Variants in DYSF observed in about 807,000 individuals in gnomAD.
DYSF encodes the protein dystrophy-associated fer-1-like 1.
In DYSF, 212 loss-of-function variants were observed where a neutral mutation model predicts 274.9. That is an observed-to-expected ratio of 0.77 (90% CI 0.69 to 0.86). The LOEUF (loss-of-function observed/expected upper bound fraction) is 0.86. Among genes scored for constraint, DYSF ranks in the 40% least tolerant of loss-of-function variants. The pLI is 0.00. For synonymous variants in DYSF, 1,091 were observed against 1,078.7 expected, an observed-to-expected ratio of 1.01 and a Z score of -0.22; for missense variants, 2,666 against 2,783.2, an observed-to-expected ratio of 0.96 and a Z score of 0.95.
rs151276652 is a variant in DYSF, at chr2:71,664,274, C to G, written c.5010C>G (p.Phe1670Leu). Residue 1670 changes from phenylalanine (F) to leucine (L), a missense_variant, in exon 46 of 56, where the codon TTC (phenylalanine) becomes TTG (leucine). This residue lies in a region of DYSF where 1,460 missense variants were observed against 1,502.1 expected (regional missense o/e 0.97). Coordinates refer to ENST00000410020, the MANE Select transcript of DYSF (RefSeq NM_001130987.2). ...CTLEPVFGKM[F>L]ELTCTLPLEK... is the part of the protein sequence containing the mutation. ...GAATCTGCCCCTCCTGCAGGATGTT[C>G]GAGCTGACCTGCACTCTGCCTCTGG... 6.2e-7 allele frequency: 1 copy of G among 1,614,036 alleles called. No homozygotes were observed. Among genetic ancestry groups the G allele is most frequent in the South Asian group, 1.1e-5 (1 of 91,040 alleles).
chr2:71,515,655 G>A lies in DYSF; in HGVS notation c.792G>A (p.Leu264=). The A allele has an allele frequency of 1.2e-6, 2 of 1,614,006 alleles. No individual in the cohort carries two copies. Among genetic ancestry groups the A allele is most frequent in the Non-Finnish European group, 1.7e-6 (2 of 1,179,956 alleles). Residue 264 remains leucine, a synonymous_variant, in exon 8 of 56, where the codon CTG becomes CTA. Coordinates refer to ENST00000410020, the MANE Select transcript of DYSF (RefSeq NM_001130987.2). The part of the protein sequence containing the change: ...IRVQVIEGRQ[L]PGVNIKPVVK... ...TCCAGGTGATCGAGGGGCGCCAGCT[G>A]CCGGGGGTGAACATCAAGCCTGTGG...
intron 12 of DYSF, among the ~76,000 whole-genome samples, chr2:71,523,691 C>T (rs2087555611): frequency 1.3e-5 from 2 of 151,922 alleles, no homozygotes; most frequent in South Asian, 4.2e-4. Flanking sequence ...GGATTACAAG[C>T]GTGCGCCACC....
intron 20 of DYSF, 45 bp from the exon 21 acceptor site, chr2:71,553,762 C>A: frequency 1.3e-6 from 2 of 1,500,866 alleles, no homozygotes; most frequent in Non-Finnish European, 9.1e-7. Context: ...ATCCCACCCG[C>A]CCTCCACTCC....
At position 71,600,785 on chromosome 2, in the gene DYSF, G is replaced by T; in HGVS notation, c.3840G>T (p.Arg1280Ser). 6.2e-7 allele frequency: 1 copy of T among 1,613,624 alleles called. No homozygotes were observed. ...GGCTGGCCTGGTTCCCACTGACGAG[G>T]GGCAGCCAGCCGTCGGGGGAGCTGC... ...MPRLAWFPLT[R>S]GSQPSGELLA... The change falls in exon 34 of 56, where the codon AGG becomes AGT. Residue 1280 changes from arginine (R) to serine (S), a missense_variant. Physicochemically the swap from Arg to Ser is moderately radical, Grantham distance 110. Transcript: ENST00000410020.
At chr2:71,498,156 C>T (rs1475933808) in intron 3 of DYSF, among the ~76,000 whole-genome samples, 1 of 151,778 alleles carries the variant, frequency 6.6e-6, no homozygotes, top group African/African-American at 2.4e-5. Flanking sequence ...TTCAAGTCCC[C>T]GGAAAGGCCT....
At chr2:71,469,211 G>C (rs551855295) in intron 1 of DYSF, among the ~76,000 whole-genome samples, 1 of 152,288 alleles carries the variant, frequency 6.6e-6, no homozygotes, top group South Asian at 2.1e-4. Flanking sequence ...ATTCACTGGG[G>C]AGTTTGGGGC....
chr2:71,679,993 C>T (rs1341003658), intron 53 of DYSF, among the ~76,000 whole-genome samples: 1 of 152,192 alleles, frequency 6.6e-6, no homozygotes, highest in Non-Finnish European at 1.5e-5. Flanking sequence ...ATGCCTGAAA[C>T]TACAGATAGT....
At chr2:71,466,547 GAGCTA>G, upstream of DYSF, 4 of 714,888 alleles carry the variant, frequency 5.6e-6, no homozygotes, top group Non-Finnish European at 5.1e-6. Context: ...GGGACCCGCG[GAGCTA>G]GGGACCAGCA....
chr2:71,669,257 C>T (rs2095075117), intron 50 of DYSF, 50 bp downstream of exon 50: 2 of 1,476,616 alleles, frequency 1.4e-6, no homozygotes, highest in Non-Finnish European at 9.3e-7. Flanking sequence ...AGCTCCCGTG[C>T]TCCCTCTGGG....
rs112864238 is a variant in DYSF at position 71,669,271 on chromosome 2, T to C, written c.5642+64T>C. The stretch of plus-strand genomic sequence containing the variant: ...CAGCTCCCGTGCTCCCTCTGGGTTG[T>C]GCACAGCACGGGGGGCTCTGGCTCA... On this transcript the variant is annotated intron_variant, in intron 50 of 55. Coordinates refer to ENST00000410020, the MANE Select transcript of DYSF (RefSeq NM_001130987.2). 4.0e-3 allele frequency: 5,503 copies of C among 1,365,128 alleles called. 26 individuals carry two copies. The highest frequency in any genetic ancestry group is 0.017 in the African/African-American group (1,166 of 69,872). 84.6% of individuals were successfully genotyped at this position (1,365,128 alleles called of 1,614,324 possible).
intron 41 of DYSF, among the ~76,000 whole-genome samples, chr2:71,630,937 T>C (rs1313709179): frequency 6.6e-6 from 1 of 152,238 alleles, no homozygotes; most frequent in Non-Finnish European, 1.5e-5. Context: ...TAAGTCTTAG[T>C]GTAGGAGGCA....
At chr2:71,514,190 G>GTCTT (rs375386951) in intron 7 of DYSF, among the ~76,000 whole-genome samples, 5 of 147,704 alleles carry the variant, frequency 3.4e-5, no homozygotes, top group African/African-American at 1.2e-4. Flanking sequence ...GATTCAGCAT[G>GTCTT]TCTTTGCATC....
At chr2:71,602,258 C>T (rs1393822118) in intron 35 of DYSF, among the ~76,000 whole-genome samples, 3 of 152,168 alleles carry the variant, frequency 2.0e-5, no homozygotes, top group Non-Finnish European at 4.4e-5. Flanking sequence ...CTCCATTGTC[C>T]TTCACAAGGC....
At chr2:71,632,880 G>A (rs564130295) in intron 41 of DYSF, among the ~76,000 whole-genome samples, 35 of 152,318 alleles carry the variant, frequency 2.3e-4, no homozygotes, top group African/African-American at 8.2e-4. Flanking sequence ...GGTGGAGCAG[G>A]CCAATAGTCA....
chr2:71,669,327 A>G, intron 50 of DYSF, 120 bp downstream of exon 50: 1 of 975,728 alleles, frequency 1.0e-6, no homozygotes, highest in Non-Finnish European at 1.6e-6. Context: ...ACTTCCAACG[A>G]GGGCTCCTGG....
chr2:71,619,684 T>C (rs2094046404), intron 40 of DYSF, among the ~76,000 whole-genome samples: 2 of 152,222 alleles, frequency 1.3e-5, no homozygotes, highest in African/African-American at 2.4e-5. Context: ...TCGAACGGGC[T>C]GTGCTTCTTT....
rs2093811645 is a variant in DYSF at position 71,613,380 on chromosome 2, T to C, written c.4434T>C (p.Ile1478=). 6.2e-7 allele frequency: 1 copy of C among 1,613,550 alleles called. No individual in the cohort carries two copies. Among genetic ancestry groups the C allele is most frequent in the Non-Finnish European group, 8.5e-7 (1 of 1,179,842 alleles). The part of the protein sequence containing the change: ...LSPGEDVLID[I]DDKEPLIPIQ... ...CTGGGGAAGACGTGCTCATCGACAT[T>C]GATGACAAGGAGCCCCTCATCCCCA... The change falls in exon 40 of 56, where the codon ATT becomes ATC. Residue 1478 remains isoleucine (I), a synonymous_variant. Coordinates refer to ENST00000410020, the MANE Select transcript of DYSF (RefSeq NM_001130987.2).
At chr2:71,511,156 G>A (rs545903954) in intron 4 of DYSF, among the ~76,000 whole-genome samples, 2 of 152,204 alleles carry the variant, frequency 1.3e-5, no homozygotes, top group Non-Finnish European at 2.9e-5. Flanking sequence ...ACCCGACCTC[G>A]CCTGTGAGGG....
At chr2:71,506,336 A>T (rs1347646086) in intron 4 of DYSF, among the ~76,000 whole-genome samples, 1 of 152,148 alleles carries the variant, frequency 6.6e-6, no homozygotes, top group Non-Finnish European at 1.5e-5. Flanking sequence ...CTGGGGCAAG[A>T]CAGGAGTCTC....
Sources: allele counts gnomAD v4.1 joint callset (sites outside exome capture counted in the v4.1 genomes callset), GRCh38; gene constraint gnomAD v4.1.1; regional missense constraint gnomAD v4.1.1; transcripts MANE v1.5; gene names NCBI Gene and HGNC (gene_info 2026-07-23, HGNC 2026-07-21).